FHIT: variants seen among roughly 807,000 people sequenced by gnomAD.
FHIT encodes the protein bis(5'-adenosyl)-triphosphatase.
In FHIT, 19 loss-of-function variants were observed where a neutral mutation model predicts 17.9. The observed-to-expected ratio is 1.06, with a 90% CI of 0.74 to 1.56. The LOEUF (loss-of-function observed/expected upper bound fraction) is 1.56, where lower values mean the gene tolerates loss of function less well. Ranked by LOEUF, FHIT falls within the 40% of genes most tolerant of loss-of-function variation. The pLI is 0.00. For synonymous variants in FHIT, 81 were observed against 69.7 expected (o/e 1.16, Z -0.81); for missense variants, 248 against 189.2 (o/e 1.31, Z -1.82).
intron 1 of FHIT, among the ~76,000 whole-genome samples, chr3:61,215,523 T>C (rs1348848210): frequency 6.6e-6 from 1 of 152,228 alleles, no homozygotes; most frequent in African/African-American, 2.4e-5. Context: ...GAACATTCTA[T>C]GCTCATGGGT....
At chr3:60,630,512 T>TAG (rs1411504854) in intron 4 of FHIT, among the ~76,000 whole-genome samples, 1 of 152,176 alleles carries the variant, frequency 6.6e-6, no homozygotes, top group Non-Finnish European at 1.5e-5. Flanking sequence ...ATTCCTGGAA[T>TAG]AGTAACACAA....
chr3:60,779,164 C>T (rs1337908360), intron 4 of FHIT, among the ~76,000 whole-genome samples: 1 of 152,192 alleles, frequency 6.6e-6, no homozygotes, highest in Non-Finnish European at 1.5e-5. Context: ...AGACTAAAGT[C>T]TATTTTGCAA....
chr3:61,126,322 T>C (rs1461238811), intron 2 of FHIT, among the ~76,000 whole-genome samples: 2 of 152,194 alleles, frequency 1.3e-5, no homozygotes, highest in African/African-American at 4.8e-5. Context: ...ATTGTATTAG[T>C]CCATTTTCAT....
chr3:60,250,719 TC>T (rs1705662873), intron 5 of FHIT, among the ~76,000 whole-genome samples: 1 of 152,108 alleles, frequency 6.6e-6, no homozygotes, highest in African/African-American at 2.4e-5. Context: ...ATTTTCTTCT[TC>T]AGGCTTTGCA....
At chr3:60,860,151 T>A (rs368589108) in intron 3 of FHIT, among the ~76,000 whole-genome samples, 1 of 76,262 alleles carries the variant, frequency 1.3e-5, no homozygotes, top group Non-Finnish European at 2.7e-5. Flanking sequence ...ACATATGGTA[T>A]ATATGATATA....
chr3:59,950,105 A>G (rs1157385757), intron 7 of FHIT, among the ~76,000 whole-genome samples: 1 of 152,124 alleles, frequency 6.6e-6, no homozygotes, highest in African/African-American at 2.4e-5. Flanking sequence ...GAGGAAATGA[A>G]TACTCCTCCC....
At chr3:60,729,013 T>C (rs1403933580) in intron 4 of FHIT, among the ~76,000 whole-genome samples, 1 of 152,160 alleles carries the variant, frequency 6.6e-6, no homozygotes, top group Non-Finnish European at 1.5e-5. Context: ...AGAAAGTCAT[T>C]TCGTTTTACA....
intron 5 of FHIT, among the ~76,000 whole-genome samples, chr3:60,319,834 C>G (rs961872181): frequency 6.6e-6 from 1 of 152,090 alleles, no homozygotes; most frequent in African/African-American, 2.4e-5. Context: ...AGGATGGACT[C>G]CTGGTTCTGA....
intron 5 of FHIT, among the ~76,000 whole-genome samples, chr3:60,387,990 T>A (rs1205740030): frequency 6.6e-6 from 1 of 152,094 alleles, no homozygotes; most frequent in African/African-American, 2.4e-5. Context: ...TTCTCTGTCT[T>A]GCCATGTGAT....
chr3:60,932,041 A>G (rs948983127), intron 3 of FHIT, among the ~76,000 whole-genome samples: 1 of 152,188 alleles, frequency 6.6e-6, no homozygotes, highest in Non-Finnish European at 1.5e-5. Context: ...CTGCCAGGGT[A>G]AGTTTTTCTG....
intron 5 of FHIT, among the ~76,000 whole-genome samples, chr3:60,123,999 T>TAGAGAGAGAG (rs1705396189): frequency 1.3e-4 from 4 of 30,916 alleles, no homozygotes; most frequent in Non-Finnish European, 1.9e-4. Flanking sequence ...TATATATATA[T>TAGAGAGAGAG]ATATATATAT....
intron 5 of FHIT, among the ~76,000 whole-genome samples, chr3:60,510,057 T>A (rs1576785706): frequency 6.6e-6 from 1 of 152,168 alleles, no homozygotes; most frequent in East Asian, 1.9e-4. Flanking sequence ...TATTTTGCCA[T>A]CTTTATTTTT....
At chr3:60,457,956 G>C (rs917245495) in intron 5 of FHIT, among the ~76,000 whole-genome samples, 1 of 152,134 alleles carries the variant, frequency 6.6e-6, no homozygotes, top group African/African-American at 2.4e-5. Context: ...AGGATGTGGA[G>C]AAATAGGAAC....
At chr3:60,149,248 G>A (rs1700360824) in intron 5 of FHIT, among the ~76,000 whole-genome samples, 1 of 152,058 alleles carries the variant, frequency 6.6e-6, no homozygotes, top group African/African-American at 2.4e-5. Flanking sequence ...TATGGAAATA[G>A]GCACCATCAA....
At chr3:61,211,034 C>T (rs999275735) in intron 1 of FHIT, among the ~76,000 whole-genome samples, 20 of 151,944 alleles carry the variant, frequency 1.3e-4, no homozygotes, top group Admixed American at 7.2e-4. Flanking sequence ...CCAAGATGGC[C>T]GAATAGAAAC....
intron 3 of FHIT, among the ~76,000 whole-genome samples, chr3:60,857,082 G>C (rs1259730594): frequency 6.6e-6 from 1 of 152,064 alleles, no homozygotes; most frequent in Non-Finnish European, 1.5e-5. Context: ...TAAAGGCAAG[G>C]ATCATGTCTG....
chr3:60,618,157 A>G (rs1250939110), intron 4 of FHIT: 1 of 153,544 alleles, frequency 6.5e-6, no homozygotes, highest in Non-Finnish European at 1.4e-5. Flanking sequence ...GCCTTTCAAA[A>G]AGGAGGGGTA....
At chr3:60,336,141 A>G (rs1257699848) in intron 5 of FHIT, among the ~76,000 whole-genome samples, 1 of 152,212 alleles carries the variant, frequency 6.6e-6, no homozygotes. Context: ...CATGCTTTAC[A>G]TCAGCAGCAA....
intron 8 of FHIT, among the ~76,000 whole-genome samples, chr3:59,826,999 T>G (rs2106685907): frequency 6.6e-6 from 1 of 152,278 alleles, no homozygotes. Context: ...TTAAAGACAG[T>G]GATATTTAAT....
Sources: gnomAD v4.1 joint callset for allele counts (sites outside exome capture counted in the v4.1 genomes callset) on GRCh38, gnomAD v4.1.1 for gene constraint, MANE v1.5 for transcripts, NCBI Gene and HGNC (gene_info 2026-07-23, HGNC 2026-07-21) for gene names.